The following ANO3 variants were observed in gnomAD, a reference collection of about 807,000 sequenced individuals.
The protein encoded by ANO3 is anoctamin-3.
ANO3 carries 99 observed loss-of-function variants against 144.8 expected under a neutral mutation model. The observed-to-expected ratio is 0.68, with a 90% CI of 0.58 to 0.81. ANO3 has a LOEUF of 0.81. Ranked by LOEUF, ANO3 falls within the 30% of genes least tolerant of loss-of-function variation. ANO3 has a pLI of 0.00. For missense variants in ANO3, 905 were observed against 1,202.2 expected, an observed-to-expected ratio of 0.75 and a Z score of 3.66; for synonymous variants, 414 against 392.6, an observed-to-expected ratio of 1.05 and a Z score of -0.64.
At chr11:26,631,712 G>A (rs1289729316) in intron 18 of ANO3, among the ~76,000 whole-genome samples, 2 of 152,086 alleles carry the variant, frequency 1.3e-5, no homozygotes, top group Admixed American at 6.6e-5. Context: ...AATGTCATCA[G>A]GTTAATATTA....
At chr11:26,416,025 T>C (rs1367688122) in intron 1 of ANO3, among the ~76,000 whole-genome samples, 2 of 152,092 alleles carry the variant, frequency 1.3e-5, no homozygotes, top group Non-Finnish European at 2.9e-5. Flanking sequence ...CTTTTATGCA[T>C]TGATTTTTTT....
intron 1 of ANO3, among the ~76,000 whole-genome samples, chr11:26,406,950 A>T (rs1173127259): frequency 6.8e-6 from 1 of 147,226 alleles, no homozygotes; most frequent in Non-Finnish European, 1.5e-5. Context: ...CTGTGTATAT[A>T]TACATATATA....
intron 1 of ANO3, among the ~76,000 whole-genome samples, chr11:26,236,375 A>G (rs1210305195): frequency 1.3e-5 from 2 of 152,194 alleles, no homozygotes; most frequent in East Asian, 3.8e-4. Context: ...AATATATTAT[A>G]CTATACTTCA....
At chr11:26,566,724 A>C (rs1158317984) in intron 14 of ANO3, among the ~76,000 whole-genome samples, 1 of 151,934 alleles carries the variant, frequency 6.6e-6, no homozygotes, top group Admixed American at 6.6e-5. Flanking sequence ...TCCGCCTCTT[A>C]AGTGTGGAAG....
intron 2 of ANO3, among the ~76,000 whole-genome samples, chr11:26,442,772 T>C (rs76838512): frequency 6.6e-6 from 1 of 152,252 alleles, no homozygotes; most frequent in African/African-American, 2.4e-5. Flanking sequence ...ATGTTTTTCT[T>C]GTTCTTTTTT....
At chr11:26,576,104 T>C (rs1284017071) in intron 14 of ANO3, among the ~76,000 whole-genome samples, 2 of 152,166 alleles carry the variant, frequency 1.3e-5, no homozygotes, top group Admixed American at 1.3e-4. Context: ...ATTCTCCAGA[T>C]TTATAATCAC....
intron 14 of ANO3, among the ~76,000 whole-genome samples, chr11:26,566,069 G>A (rs2134270787): frequency 6.6e-6 from 1 of 151,920 alleles, no homozygotes. Context: ...GTGCCATTGA[G>A]TACTGCTTTC....
At chr11:26,196,448 C>A (rs1851591124) in intron 1 of ANO3, among the ~76,000 whole-genome samples, 2 of 152,048 alleles carry the variant, frequency 1.3e-5, no homozygotes, top group African/African-American at 2.4e-5. Context: ...AGATTTCATG[C>A]TCCATTTTCA....
chr11:26,553,810 A>G (rs1473711543), intron 13 of ANO3, among the ~76,000 whole-genome samples: 1 of 152,160 alleles, frequency 6.6e-6, no homozygotes, highest in African/African-American at 2.4e-5. Context: ...GAACAATTAA[A>G]TCAGAATCTT....
At chr11:26,607,378 G>A (rs1208637046) in intron 17 of ANO3, among the ~76,000 whole-genome samples, 2 of 152,008 alleles carry the variant, frequency 1.3e-5, no homozygotes, top group African/African-American at 4.8e-5. Flanking sequence ...TGCTAAGTTG[G>A]GGAAGTTCTG....
intron 17 of ANO3, among the ~76,000 whole-genome samples, chr11:26,612,775 T>C (rs567089345): frequency 6.6e-6 from 1 of 152,034 alleles, no homozygotes; most frequent in South Asian, 2.1e-4. Context: ...TATAGTATTA[T>C]TGCCGGACAG....
At chr11:26,227,119 G>A (rs1852272939) in intron 1 of ANO3, among the ~76,000 whole-genome samples, 1 of 152,110 alleles carries the variant, frequency 6.6e-6, no homozygotes, top group African/African-American at 2.4e-5. Flanking sequence ...GTTGTTACAT[G>A]TGTCAAAATT....
chr11:26,547,107 T>C (rs1469115604), intron 11 of ANO3, among the ~76,000 whole-genome samples: 1 of 151,730 alleles, frequency 6.6e-6, no homozygotes, highest in Non-Finnish European at 1.5e-5. Flanking sequence ...CTCTGTGATG[T>C]GAAAAAATGA....
intron 13 of ANO3, 84 bp downstream of exon 13, chr11:26,553,429 C>A: frequency 3.4e-6 from 3 of 871,950 alleles, no homozygotes; most frequent in Non-Finnish European, 5.4e-6. Flanking sequence ...AGCTTTTTAC[C>A]AAAGTTAAGT....
At chr11:26,447,539 A>G (rs150641802) in intron 3 of ANO3, among the ~76,000 whole-genome samples, 38 of 152,334 alleles carry the variant, frequency 2.5e-4, no homozygotes, top group African/African-American at 8.7e-4. Flanking sequence ...AGTGATTTCC[A>G]AAGACACTAG....
At chr11:26,546,770 G>A (rs534230578) in intron 11 of ANO3, among the ~76,000 whole-genome samples, 1 of 152,078 alleles carries the variant, frequency 6.6e-6, no homozygotes, top group Admixed American at 6.6e-5. Context: ...TCCTGCGATG[G>A]GTACTAGTGA....
rs1267767739 is a variant in ANO3 at position 26,620,416 on chromosome 11, G to A, written c.1837-4046G>A. On this transcript the variant is annotated intron_variant, in intron 17 of 26. Transcript: ENST00000256737. ...TAGGCTAATTAAATCATTTCAGCAT[G>A]GTGAAATTTTAATCAAAAATTAAAA... is the stretch of plus-strand genomic sequence containing the variant. Among the ~76,000 whole-genome samples, 10 of 135,920 alleles carry A rather than the reference G, an allele frequency of 7.4e-5. No individual in the cohort carries two copies. The South Asian group carries it at 1.4e-3, about 19-fold the overall frequency. 89.2% of individuals were successfully genotyped at this position (135,920 alleles called of 152,430 possible). A position where few individuals can be genotyped will look rare whatever the true frequency, so the allele number is the denominator to read the frequency against.
chr11:26,298,758 G>A (rs964880416), intron 1 of ANO3, among the ~76,000 whole-genome samples: 2 of 152,144 alleles, frequency 1.3e-5, no homozygotes, highest in African/African-American at 4.8e-5. Context: ...GTGGAGATGG[G>A]GAGAAGTCAT....
chr11:26,585,670 C>T (rs1357385382), intron 14 of ANO3, among the ~76,000 whole-genome samples: 1 of 152,134 alleles, frequency 6.6e-6, no homozygotes, highest in Non-Finnish European at 1.5e-5. Flanking sequence ...CTATCAGAAC[C>T]TATTTCATGT....
Sources: allele counts gnomAD v4.1 joint callset (sites outside exome capture counted in the v4.1 genomes callset), GRCh38; gene constraint gnomAD v4.1.1; transcripts MANE v1.5; gene names NCBI Gene and HGNC (gene_info 2026-07-23, HGNC 2026-07-21).